Variants in KCNMA1 observed in about 807,000 individuals in gnomAD.
KCNMA1 encodes Calcium-activated potassium channel subunit alpha-1.
Under a neutral mutation model 140.0 loss-of-function variants are expected in KCNMA1, and 29 were observed. That is an observed-to-expected ratio of 0.21 (90% confidence interval 0.15 to 0.28). KCNMA1 has a LOEUF of 0.28. Among genes scored for constraint, KCNMA1 ranks in the 10% least tolerant of loss-of-function variants. KCNMA1 has a pLI of 1.00. For synonymous variants in KCNMA1, 612 were observed against 611.9 expected (o/e 1.00, Z 0.00); for missense variants, 880 against 1,602.2 (o/e 0.55, Z 7.70).
chr10:77,476,559 G>C (rs181137292), intron 1 of KCNMA1, among the ~76,000 whole-genome samples: 4 of 152,310 alleles, frequency 2.6e-5, no homozygotes, highest in South Asian at 2.1e-4. Context: ...CCCAGGTCCT[G>C]AGCGGGTCAG....
chr10:77,049,315 C>T (rs544074120), intron 14 of KCNMA1, among the ~76,000 whole-genome samples: 10 of 152,314 alleles, frequency 6.6e-5, no homozygotes, highest in African/African-American at 2.4e-4. Flanking sequence ...TGTGCTGTCC[C>T]TGCCTTAATG....
intron 15 of KCNMA1, among the ~76,000 whole-genome samples, chr10:77,035,021 G>C (rs561386360): frequency 6.6e-6 from 1 of 152,212 alleles, no homozygotes; most frequent in South Asian, 2.1e-4. Context: ...GCCCTCCCTG[G>C]GGGTAGGGGA....
chr10:76,954,449 G>A (rs781485942), intron 20 of KCNMA1, among the ~76,000 whole-genome samples: 19 of 152,162 alleles, frequency 1.2e-4, no homozygotes, highest in Admixed American at 2.0e-4. Context: ...GATGCTCTTC[G>A]CAGTAAAAGC....
chr10:77,518,052 A>G (rs2051236969), intron 1 of KCNMA1, among the ~76,000 whole-genome samples: 1 of 152,070 alleles, frequency 6.6e-6, no homozygotes, highest in Non-Finnish European at 1.5e-5. Context: ...CTGCTGTTCC[A>G]CACACCTGAA....
intron 1 of KCNMA1, among the ~76,000 whole-genome samples, chr10:77,514,488 C>T (rs994204212): frequency 6.6e-6 from 1 of 152,104 alleles, no homozygotes; most frequent in Admixed American, 6.5e-5. Context: ...AACTCCACGC[C>T]TTAATAAAAA....
At chr10:77,078,764 T>C (rs2096476703) in intron 13 of KCNMA1, among the ~76,000 whole-genome samples, 1 of 152,220 alleles carries the variant, frequency 6.6e-6, no homozygotes, top group Non-Finnish European at 1.5e-5. Context: ...GGGAGAGTGC[T>C]AATCACACAG....
At chr10:77,296,791 G>A (rs1367531837) in intron 2 of KCNMA1, among the ~76,000 whole-genome samples, 1 of 151,724 alleles carries the variant, frequency 6.6e-6, no homozygotes, top group Non-Finnish European at 1.5e-5. Flanking sequence ...ACTCTAGCAT[G>A]TGTCTGTCTC....
At chr10:76,952,048 T>G in intron 21 of KCNMA1, 1 of 1,552,242 alleles carries the variant, frequency 6.4e-7, no homozygotes, top group Non-Finnish European at 8.7e-7. Flanking sequence ...TCCTTAAACT[T>G]TTTTATGCTG....
chr10:76,903,747 C>G (rs1192784548), intron 25 of KCNMA1: 1 of 152,188 alleles, frequency 6.6e-6, no homozygotes, highest in African/African-American at 2.4e-5. Flanking sequence ...CTCCATAACA[C>G]CAGGTTCAAG....
chr10:77,495,048 A>G (rs2041361897), intron 1 of KCNMA1, among the ~76,000 whole-genome samples: 1 of 152,152 alleles, frequency 6.6e-6, no homozygotes, highest in Non-Finnish European at 1.5e-5. Context: ...ATCTGCAAAG[A>G]CCTTATTTCC....
chr10:77,296,943 C>T (rs1453937440), intron 2 of KCNMA1, among the ~76,000 whole-genome samples: 1 of 148,848 alleles, frequency 6.7e-6, no homozygotes, highest in African/African-American at 2.5e-5. Flanking sequence ...TAGAGAAGAA[C>T]AAAGTTCCTT....
intron 1 of KCNMA1, among the ~76,000 whole-genome samples, chr10:77,601,534 T>C (rs564284543): frequency 1.6e-4 from 25 of 152,346 alleles, no homozygotes; most frequent in African/African-American, 6.0e-4. Flanking sequence ...GGATTACATA[T>C]TGACTCTCCT....
chr10:76,962,859 C>T (rs1247494369), intron 20 of KCNMA1, among the ~76,000 whole-genome samples: 4 of 152,176 alleles, frequency 2.6e-5, no homozygotes, highest in Admixed American at 2.0e-4. Flanking sequence ...GCAAACCTTT[C>T]GTGGAGATCC....
downstream of KCNMA1, among the ~76,000 whole-genome samples, chr10:76,881,830 T>C (rs2034799102): frequency 6.6e-6 from 1 of 152,128 alleles, no homozygotes; most frequent in African/African-American, 2.4e-5. Flanking sequence ...TGGTTGGTCA[T>C]CTTCATTTGG....
chr10:77,090,073 A>T (rs2096778548), intron 10 of KCNMA1, among the ~76,000 whole-genome samples: 1 of 152,164 alleles, frequency 6.6e-6, no homozygotes, highest in African/African-American at 2.4e-5. Flanking sequence ...TAATGTGGAC[A>T]CGCCAGATTG....
chr10:77,374,890 T>C (rs1003417820), intron 2 of KCNMA1, among the ~76,000 whole-genome samples: 3 of 152,124 alleles, frequency 2.0e-5, no homozygotes, highest in Non-Finnish European at 4.4e-5. Context: ...AGTATCTATA[T>C]TTGGGGGAAG....
intron 3 of KCNMA1, among the ~76,000 whole-genome samples, chr10:77,206,137 A>C (rs1199882715): frequency 2.6e-5 from 4 of 152,352 alleles, no homozygotes; most frequent in South Asian, 2.1e-4. Context: ...GTTTAATTTA[A>C]AGCTTAAGAA....
At chr10:77,141,170 T>C (rs1451400112) in intron 5 of KCNMA1, among the ~76,000 whole-genome samples, 1 of 152,120 alleles carries the variant, frequency 6.6e-6, no homozygotes, top group African/African-American at 2.4e-5. Context: ...TTCTGGGCTA[T>C]CCAGAGGAAG....
intron 2 of KCNMA1, among the ~76,000 whole-genome samples, chr10:77,324,967 CTCTCTGTGTGTGTG>C (rs1252792415): frequency 7.2e-5 from 7 of 97,294 alleles, no homozygotes; most frequent in African/African-American, 3.9e-4. Context: ...CTCTCTCTCT[CTCTCTGTGTGTGTG>C]TGTGTGTGTG....
Sources: gnomAD v4.1 joint callset for allele counts (sites outside exome capture counted in the v4.1 genomes callset) on GRCh38, gnomAD v4.1.1 for gene constraint, MANE v1.5 for transcripts, NCBI Gene and HGNC (gene_info 2026-07-23, HGNC 2026-07-21) for gene names.